Variants in C1orf54 observed in about 807,000 individuals in gnomAD.
C1orf54 encodes chromosome 1 open reading frame 54.
A neutral mutation model predicts 14.7 loss-of-function variants in C1orf54; 12 were observed. That is an observed-to-expected ratio of 0.82 (90% CI 0.52 to 1.32). C1orf54 has a LOEUF of 1.32. C1orf54 is among the 40% of genes most tolerant of loss of function. The pLI is 0.00. For missense variants in C1orf54, 163 were observed against 162.2 expected (o/e 1.00, Z -0.03); for synonymous variants, 65 against 56.3 (o/e 1.16, Z -0.70).
chr1:150,280,773 C>T, intron 5 of C1orf54, 62 bp from the exon 6 acceptor site: 1 of 1,294,398 alleles, frequency 7.7e-7, no homozygotes, highest in Non-Finnish European at 1.1e-6. Context: ...GTGTGGGGGG[C>T]ATGAAGGGGT....
At chr1:150,274,828 G>A (rs1652507703) in intron 2 of C1orf54, among the ~76,000 whole-genome samples, 1 of 148,368 alleles carries the variant, frequency 6.7e-6, no homozygotes, top group Admixed American at 6.7e-5. Context: ...CAGGAGAATC[G>A]CTTGAACCTG....
chr1:150,269,864 C>A (rs1553850921), upstream of C1orf54, among the ~76,000 whole-genome samples: 1 of 152,028 alleles, frequency 6.6e-6, no homozygotes, highest in Non-Finnish European at 1.5e-5. Context: ...TGGCGAAACC[C>A]CATCTCTACT....
chr1:150,270,573 G>A (rs1453797032), upstream of C1orf54, among the ~76,000 whole-genome samples: 8 of 151,956 alleles, frequency 5.3e-5, no homozygotes, highest in African/African-American at 1.9e-4. Flanking sequence ...AATCTGAGAG[G>A]TGGAGGTTAC....
chr1:150,275,830 G>A, intron 3 of C1orf54, 31 bp downstream of exon 3: 1 of 1,574,510 alleles, frequency 6.4e-7, no homozygotes, highest in East Asian at 2.2e-5. Context: ...AAAGGGTTAG[G>A]ATAAGTAACA....
Position 150,276,621 on chromosome 1 carries a change from A to G in C1orf54, c.289A>G (p.Thr97Ala), listed in dbSNP as rs781899332. ...HPKPVTVKPV[T>A]TEPSPDLNDA... The stretch of plus-strand genomic sequence containing the variant: ...GAAGCCTGTAACTGTGAAACCAGTA[A>G]CAACGGAACCTGTGAGTTGATTGGG... Residue 97 changes from threonine to alanine, a missense_variant, in exon 4 of 6, where the codon ACA becomes GCA. By Grantham distance (58) the Thr-to-Ala change is moderately conservative (BLOSUM62 0). Coordinates refer to ENST00000369099, the MANE Select transcript of C1orf54 (RefSeq NM_024579.4). 1.9e-6 allele frequency: 3 copies of G among 1,613,612 alleles called. No homozygotes were observed. The highest frequency in any genetic ancestry group is 1.7e-6 in the Non-Finnish European group (2 of 1,179,652).
At chr1:150,271,949 G>A (rs2101864682), upstream of C1orf54, among the ~76,000 whole-genome samples, 1 of 152,126 alleles carries the variant, frequency 6.6e-6, no homozygotes, top group East Asian at 1.9e-4. Context: ...GACCAGCCTG[G>A]GCCAACATGG....
chr1:150,270,535 C>T (rs587633672), upstream of C1orf54, among the ~76,000 whole-genome samples: 164 of 151,950 alleles, frequency 1.1e-3, no homozygotes, highest in Admixed American at 5.0e-3. Flanking sequence ...CCCAGCTACT[C>T]AGGAGGCTGA....
rs144321018 is a variant in C1orf54 at position 150,276,723 on chromosome 1, G to A, written c.300+91G>A. On this transcript the variant is annotated intron_variant, in intron 4 of 5. Transcript: ENST00000369099. The stretch of plus-strand genomic sequence containing the variant: ...AGGGCTGGAATACCAGGCTTTGGTG[G>A]ATGGGAGAACCAAATAATTAGTACT... The A allele has an allele frequency of 2.6e-4, 270 of 1,043,554 alleles. 1 individual carries two copies. The East Asian group carries it at 6.1e-3, about 24-fold the overall frequency. The allele number at this position is 1,043,554 out of a possible 1,614,324, so 64.6% of individuals were successfully genotyped here. A position where few individuals can be genotyped will look rare whatever the true frequency, so the allele number is the denominator to read the frequency against.
At chr1:150,277,992 G>C (rs1182432102) in intron 4 of C1orf54, among the ~76,000 whole-genome samples, 1 of 152,188 alleles carries the variant, frequency 6.6e-6, no homozygotes, top group African/African-American at 2.4e-5. Flanking sequence ...AGCTACCTGG[G>C]AGGCTGAGGC....
chr1:150,270,598 C>T (rs914215735), upstream of C1orf54, among the ~76,000 whole-genome samples: 1 of 151,272 alleles, frequency 6.6e-6, no homozygotes, highest in Non-Finnish European at 1.5e-5. Context: ...AGCTGAGATC[C>T]CACCACTGCA....
chr1:150,272,572 G>A (rs1467742329), upstream of C1orf54: 9 of 530,436 alleles, frequency 1.7e-5, 1 homozygote, highest in South Asian at 4.3e-5. Context: ...AGGGCAGGGG[G>A]AGCTTAAGAA....
At chr1:150,274,272 C>A in intron 2 of C1orf54, 102 bp downstream of exon 2, 1 of 886,890 alleles carries the variant, frequency 1.1e-6, no homozygotes, top group South Asian at 1.5e-5. Flanking sequence ...GCAATGGGGT[C>A]AGAGAAAAAT....
upstream of C1orf54, chr1:150,272,740 G>C: frequency 6.9e-7 from 1 of 1,448,770 alleles, no homozygotes. Flanking sequence ...TTTGGAGGAG[G>C]AGGGGAGGCG....
Position 150,272,905 on chromosome 1 carries a change from T to C in C1orf54, c.46+42T>C, listed in dbSNP as rs1553851574. 6.8e-6 allele frequency: 11 copies of C among 1,607,908 alleles called. No individual in the cohort carries two copies. In the South Asian group the frequency reaches 1.2e-4, roughly 18 times the overall value. On this transcript the variant is annotated intron_variant, in intron 1 of 5. Transcript: ENST00000369099. ...CTCTGAGCTTTTGTGCCAGGTCTTC[T>C]ACCATAAATGGGGTGGGAGAAAAAA...
At position 150,279,689 on chromosome 1, in the gene C1orf54, CCCT is replaced by C. The variant is rs1393873449; in HGVS notation, c.354_356del (p.Leu119del). On this transcript the variant is annotated inframe_deletion, in exon 5 of 6. Coordinates refer to ENST00000369099, the MANE Select transcript of C1orf54 (RefSeq NM_024579.4). Reference sequence around the variant, plus strand: ...GTGTCCAGTTTGCGAAGTCCTATTCCCCTCCTCCTGTCGTGTGCCTTTGTTCAG... The same window carrying C: ...GTGTCCAGTTTGCGAAGTCCTATTCCCCTCCTGTCGTGTGCCTTTGTTCAG... 1 of 1,613,054 alleles carries C rather than the reference CCCT, an allele frequency of 6.2e-7. No homozygotes were observed. Among genetic ancestry groups the C allele is most frequent in the African/African-American group, 1.3e-5 (1 of 74,874 alleles).
At position 150,276,505 on chromosome 1, in the gene C1orf54, A is replaced by G. The variant is rs781975228; in HGVS notation, c.190-17A>G. The G allele has an allele frequency of 4.8e-5, 77 of 1,597,038 alleles. No homozygotes were observed. Among genetic ancestry groups the G allele is most frequent in the Non-Finnish European group, 6.1e-5 (71 of 1,164,800 alleles). On this transcript the variant is annotated splice_polypyrimidine_tract_variant and intron_variant, in intron 3 of 5. Transcript: ENST00000369099. ...AAAACTGATAACTCTGTGTTTCCCA[A>G]ATCCTACTGAGGGTAGAACAGGTTG...
intron 1 of C1orf54, 136 bp from the exon 2 acceptor site, chr1:150,273,951 A>T: frequency 1.4e-5 from 9 of 656,132 alleles, no homozygotes; most frequent in Non-Finnish European, 2.5e-5. Flanking sequence ...AAGGAGTATG[A>T]CTATTGGAGG....
intron 2 of C1orf54, among the ~76,000 whole-genome samples, chr1:150,275,249 G>A (rs587726106): frequency 6.6e-6 from 1 of 152,014 alleles, no homozygotes; most frequent in South Asian, 2.1e-4. Flanking sequence ...TGTTGGCCAC[G>A]CTGGTCTTGA....
rs1242619480 is a variant in C1orf54 at position 150,276,571 on chromosome 1, T to A, written c.239T>A (p.Leu80His). The change falls in exon 4 of 6, where the codon CTT becomes CAT. Residue 80 changes from leucine to histidine, a missense_variant. Leu to His is a moderately conservative substitution (Grantham distance 99). Coordinates refer to ENST00000369099, the MANE Select transcript of C1orf54 (RefSeq NM_024579.4). ...ITEAIETTISLETARADHPKP... is the reference protein window; with the variant it reads ...ITEAIETTISHETARADHPKP... ...GAAGCAATAGAGACTACCATTAGTC[T>A]TGAAACAGCACGTGCAGACCATCCG... 1.2e-6 allele frequency: 2 copies of A among 1,614,046 alleles called. No homozygotes were observed. Among genetic ancestry groups the A allele is most frequent in the African/African-American group, 2.7e-5 (2 of 74,898 alleles).
Sources: allele counts gnomAD v4.1 joint callset (sites outside exome capture counted in the v4.1 genomes callset), GRCh38; gene constraint gnomAD v4.1.1; transcripts MANE v1.5; gene names NCBI Gene and HGNC (gene_info 2026-07-23, HGNC 2026-07-21).